The following KCNN4 variants were observed in gnomAD, a reference collection of about 807,000 sequenced individuals.
KCNN4 encodes potassium calcium-activated channel subfamily N member 4.
KCNN4 carries 31 observed loss-of-function variants against 45.2 expected under a neutral mutation model. The ratio of observed to expected loss-of-function variants is 0.69; its 90% CI spans 0.52 to 0.92. The LOEUF is 0.92. KCNN4 is among the 40% of genes least tolerant of loss of function. The probability of loss-of-function intolerance (pLI) is 0.00; values close to 1 mark genes in which losing one functional copy is unlikely to be tolerated. For synonymous variants in KCNN4, 231 were observed against 254.6 expected, an observed-to-expected ratio of 0.91 and a Z score of 0.88; for missense variants, 463 against 574.0, an observed-to-expected ratio of 0.81 and a Z score of 1.98.
chr19:43,778,246 CTT>C (rs35864088), intron 1 of KCNN4, among the ~76,000 whole-genome samples: 16 of 149,676 alleles, frequency 1.1e-4, no homozygotes, highest in East Asian at 3.9e-4. Context: ...TCTATTGTCT[CTT>C]TTTTTTTTTG....
At position 43,772,457 on chromosome 19, in the gene KCNN4, G is replaced by C. The variant is rs1400435181; in HGVS notation, c.684-322C>G. On this transcript the variant is annotated intron_variant, in intron 3 of 8. Coordinates refer to ENST00000648319, the MANE Select transcript of KCNN4 (RefSeq NM_002250.3). This position sits in a 1 kb window ranked among gnomAD's most constrained non-coding sequence, Gnocchi z 4.4. ...GCTGCTGTAGCATTCAGAGCGTGTG[G>C]TTGAGGGTGGAGAGTCGATAGGGGG... is the stretch of plus-strand genomic sequence containing the variant. 6.6e-6 allele frequency among the ~76,000 whole-genome samples: 1 copy of C among 152,136 alleles called. No homozygotes were observed. The highest frequency in any genetic ancestry group is 2.4e-5 in the African/African-American group (1 of 41,412).
rs1316596576 is a variant in KCNN4, at chr19:43,776,646, G to A, written c.160-10C>T. ...ACAGGTAGAGCGCCCACTGTCAGGG[G>A]GGACGGAAAAAGCGGTGTGAGATCC... On this transcript the variant is annotated splice_polypyrimidine_tract_variant and intron_variant, in intron 1 of 8. Transcript: ENST00000648319. 6.3e-7 allele frequency: 1 copy of A among 1,595,956 alleles called. No homozygotes were observed. The highest frequency in any genetic ancestry group is 1.7e-5 in the Admixed American group (1 of 59,982).
In KCNN4 at chr19:43,780,811, G is replaced by A. The variant is rs1162572361; in HGVS notation, c.51C>T (p.Arg17=). ...CCAGAGACTTCTCCTGCTCCAGCAA[G>A]CGCTTTCGGCGTCTCAAGGCCCCCA... ...LGLGALRRRK[R]LLEQEKSLAG... The change falls in exon 1 of 9, where the codon CGC becomes CGT. Residue 17 remains arginine (R), a synonymous_variant. Coordinates refer to ENST00000648319, the MANE Select transcript of KCNN4 (RefSeq NM_002250.3). 1.2e-6 allele frequency: 2 copies of A among 1,614,030 alleles called. No homozygotes were observed. Among genetic ancestry groups the A allele is most frequent in the Non-Finnish European group, 1.7e-6 (2 of 1,179,974 alleles).
intron 7 of KCNN4, 136 bp downstream of exon 7, chr19:43,768,827 A>C: frequency 4.0e-6 from 3 of 755,996 alleles, no homozygotes; most frequent in Non-Finnish European, 6.9e-6. Context: ...TCCTTCCTTC[A>C]TTCAACCACA....
chr19:43,773,857 G>T (rs1969709921), intron 3 of KCNN4, among the ~76,000 whole-genome samples: 1 of 152,176 alleles, frequency 6.6e-6, no homozygotes, highest in South Asian at 2.1e-4. Context: ...CTTTAGGCAG[G>T]TCCCAGAGAT....
intron 2 of KCNN4, among the ~76,000 whole-genome samples, chr19:43,775,202 C>T (rs1259314175): frequency 6.6e-6 from 1 of 152,180 alleles, no homozygotes; most frequent in Non-Finnish European, 1.5e-5. Context: ...TGGCGCACAC[C>T]TATAGTCCCA....
At chr19:43,773,406 C>T (rs1369637595) in intron 3 of KCNN4, among the ~76,000 whole-genome samples, 1 of 152,226 alleles carries the variant, frequency 6.6e-6, no homozygotes, top group Non-Finnish European at 1.5e-5. Context: ...TCTCATTCTC[C>T]TCCTGCCCTG....
chr19:43,776,882 A>G (rs1223980443), intron 1 of KCNN4: 1 of 439,504 alleles, frequency 2.3e-6, no homozygotes, highest in East Asian at 3.9e-5. Flanking sequence ...TGGATCACCG[A>G]AGGTCGGGAG....
chr19:43,770,349 C>T (rs1177373850), intron 4 of KCNN4, among the ~76,000 whole-genome samples: 2 of 152,142 alleles, frequency 1.3e-5, no homozygotes, highest in African/African-American at 4.8e-5. Flanking sequence ...CTATGCCTCC[C>T]ACCTGGACAA....
At chr19:43,767,454 T>C (rs1404269957) in intron 8 of KCNN4, 86 bp downstream of exon 8, 6 of 1,475,864 alleles carry the variant, frequency 4.1e-6, no homozygotes, top group African/African-American at 1.4e-5. Context: ...CTCCCAGCCA[T>C]CCCCCGCCCC....
chr19:43,774,178 T>C lies in KCNN4; in HGVS notation c.683+14A>G. Reference sequence around the variant, plus strand: ...GGGTTCCCCCCTGCGCATTTATGCCTCCATCACCCTCACCTCTCGGCCACG... The same window carrying C: ...GGGTTCCCCCCTGCGCATTTATGCCCCCATCACCCTCACCTCTCGGCCACG... On this transcript the variant is annotated intron_variant, in intron 3 of 8. Transcript: ENST00000648319. The surrounding 1 kb of genome is among the most constrained non-coding windows in gnomAD (Gnocchi z 5.6). 1 of 1,602,216 alleles carries C rather than the reference T, an allele frequency of 6.2e-7. No homozygotes were observed. The highest frequency in any genetic ancestry group is 1.1e-5 in the South Asian group (1 of 90,092).
At chr19:43,771,437 C>T (rs964956882) in intron 4 of KCNN4, among the ~76,000 whole-genome samples, 7 of 152,176 alleles carry the variant, frequency 4.6e-5, no homozygotes, top group African/African-American at 9.7e-5. Flanking sequence ...CGAGAGATCA[C>T]GTGGCTCGCC....
chr19:43,771,138 G>A (rs1381499296), intron 4 of KCNN4, among the ~76,000 whole-genome samples: 1 of 152,130 alleles, frequency 6.6e-6, no homozygotes, highest in Non-Finnish European at 1.5e-5. Flanking sequence ...AGGGGGCCAG[G>A]GCTGGGTGGG....
In KCNN4 at chr19:43,774,067, G is replaced by T; in HGVS notation, c.683+125C>A. ...AAATTTCAGCCAGCAAGAGGAGAAG[G>T]GGTCAAAGTGTGAACTTTCTCCACT... On this transcript the variant is annotated intron_variant, in intron 3 of 8. Coordinates refer to ENST00000648319, the MANE Select transcript of KCNN4 (RefSeq NM_002250.3). The surrounding 1 kb of genome is among the most constrained non-coding windows in gnomAD (Gnocchi z 5.6). 1 of 1,008,862 alleles carries T rather than the reference G, an allele frequency of 9.9e-7. No homozygotes were observed. The highest frequency in any genetic ancestry group is 1.4e-6 in the Non-Finnish European group (1 of 694,394). The allele number at this position is 1,008,862 out of a possible 1,614,324, so 62.5% of individuals were successfully genotyped here.
chr19:43,776,571 G>A lies in KCNN4; in HGVS notation c.225C>T (p.Leu75=), dbSNP rs765682708. The A allele has an allele frequency of 6.8e-6, 11 of 1,613,812 alleles. No individual in the cohort carries two copies. In the East Asian group the frequency reaches 2.2e-4, roughly 33 times the overall value. The change falls in exon 2 of 9, where the codon CTC becomes CTT. Residue 75 remains leucine, a synonymous_variant. Coordinates refer to ENST00000648319, the MANE Select transcript of KCNN4 (RefSeq NM_002250.3). ...CCTCTTTGGCATGAAAGGCCACGAT[G>A]AGGCAGAGGAGTAAGAAGGTGGAAA... ...ISISTFLLLC[L]IVAFHAKEVQ...
chr19:43,774,504 C>T lies in KCNN4; in HGVS notation c.371G>A (p.Gly124Asp). 6.3e-7 allele frequency: 1 copy of T among 1,596,744 alleles called. No individual in the cohort carries two copies. Residue 124 changes from glycine to aspartate, a missense_variant, in exon 3 of 9, where the codon GGC (glycine) becomes GAC (aspartate). Physicochemically the swap from Gly to Asp is moderately conservative, Grantham distance 94. Around this residue, in one of 3 missense-constraint regions of KCNN4, gnomAD observed 225 missense variants for 240.9 expected, o/e 0.93. Transcript: ENST00000648319. This position sits in a 1 kb window ranked among gnomAD's most constrained non-coding sequence, Gnocchi z 5.6. ...VCGLHPAPVR[G>D]PPCVQDLGAP... ...CCCTAAATCCTGCACGCACGGCGGG[C>T]CCCGCACGGGCGCCGGGTGCAGCCC...
At chr19:43,776,713 C>T (rs1299442904) in intron 1 of KCNN4, 77 bp from the exon 2 acceptor site, 2 of 945,518 alleles carry the variant, frequency 2.1e-6, no homozygotes, top group African/African-American at 1.7e-5. Context: ...CCTTCAAAAC[C>T]ACCATTTTTT....
At position 43,769,869 on chromosome 19, in the gene KCNN4, C is replaced by T. The variant is rs1456599252; in HGVS notation, c.820-40G>A. The T allele has an allele frequency of 2.1e-6, 3 of 1,450,054 alleles. No homozygotes were observed. The highest frequency in any genetic ancestry group is 2.9e-6 in the Non-Finnish European group (3 of 1,047,378). The allele number at this position is 1,450,054 out of a possible 1,614,324, so 89.8% of individuals were successfully genotyped here. ...GGCACCGTGGCATGAGGCTGTGCCA[C>T]CGACTCCCTCCTTGAACCCGCCCAA... On this transcript the variant is annotated intron_variant, in intron 4 of 8. Coordinates refer to ENST00000648319, the MANE Select transcript of KCNN4 (RefSeq NM_002250.3). The surrounding 1 kb of genome is among the most constrained non-coding windows in gnomAD (Gnocchi z 4.4).
intron 4 of KCNN4, among the ~76,000 whole-genome samples, chr19:43,771,271 C>T (rs1969635891): frequency 6.6e-6 from 1 of 152,122 alleles, no homozygotes; most frequent in South Asian, 2.1e-4. Context: ...TGTGGGGTGG[C>T]TGGATGCCTG....
Sources: gnomAD v4.1 joint callset for allele counts (sites outside exome capture counted in the v4.1 genomes callset) on GRCh38, gnomAD v4.1.1 for gene constraint, gnomAD v4.1.1 regional missense constraint, Gnocchi (gnomAD v3.1) non-coding constraint, MANE v1.5 for transcripts, NCBI Gene and HGNC (gene_info 2026-07-23, HGNC 2026-07-21) for gene names.